MKRN2OS: variants seen among roughly 807,000 people sequenced by gnomAD.
MKRN2OS encodes the protein MKRN2 opposite strand.
MKRN2OS carries 17 observed loss-of-function variants against 18.2 expected under a neutral mutation model. That is an observed-to-expected ratio of 0.93 (90% CI 0.64 to 1.40). The LOEUF is 1.40. Among genes scored for constraint, MKRN2OS ranks in the 40% most tolerant of loss-of-function variants. The pLI is 0.00. For synonymous variants in MKRN2OS, 121 were observed against 108.5 expected (o/e 1.12, Z -0.72); for missense variants, 337 against 283.0 (o/e 1.19, Z -1.37).
rs1181439222 is a variant in MKRN2OS at position 12,542,023 on chromosome 3, C to T, written c.269-1G>A. On this transcript the variant is annotated splice_acceptor_variant, in intron 2 of 3. Coordinates refer to ENST00000564146, the MANE Select transcript of MKRN2OS (RefSeq NM_001195279.2). LOFTEE classifies it high-confidence loss of function. ...TGTGCACTGTAATTATACACAACCC[C>T]TGCAAATCAAAACCAAAGTCATGTG... 6.5e-7 allele frequency: 1 copy of T among 1,531,804 alleles called. No homozygotes were observed. Among genetic ancestry groups the T allele is most frequent in the Non-Finnish European group, 8.7e-7 (1 of 1,143,944 alleles). 94.9% of individuals were successfully genotyped at this position (1,531,804 alleles called of 1,614,324 possible). A position where few individuals can be genotyped will look rare whatever the true frequency, so the allele number is the denominator to read the frequency against.
intron 1 of MKRN2OS, among the ~76,000 whole-genome samples, chr3:12,556,574 T>C (rs1395711057): frequency 6.6e-6 from 1 of 151,474 alleles, no homozygotes; most frequent in African/African-American, 2.4e-5. Context: ...GGAAAGAAAA[T>C]GAAGACTAAA....
upstream of MKRN2OS, chr3:12,545,546 C>T: frequency 9.4e-7 from 1 of 1,061,844 alleles, no homozygotes; most frequent in Non-Finnish European, 1.3e-6. Flanking sequence ...GCACACCGCC[C>T]CAAGGAACCT....
At chr3:12,544,763 CTG>C (rs1414252280) in intron 1 of MKRN2OS, among the ~76,000 whole-genome samples, 1 of 152,128 alleles carries the variant, frequency 6.6e-6, no homozygotes. Flanking sequence ...CAAGAGAGAA[CTG>C]AATTTGTTCT....
chr3:12,559,872 A>G (rs2058022069), intron 1 of MKRN2OS, among the ~76,000 whole-genome samples: 2 of 152,202 alleles, frequency 1.3e-5, no homozygotes, highest in African/African-American at 2.4e-5. Flanking sequence ...GCTTCCCTGC[A>G]TCTCATAATC....
downstream of MKRN2OS, among the ~76,000 whole-genome samples, chr3:12,551,194 T>TA (rs56389348): frequency 0.011 from 1,450 of 136,862 alleles, 10 homozygotes; most frequent in African/African-American, 0.027. Context: ...TACACTTTAT[T>TA]AAAAAAAAAA....
At chr3:12,557,340 C>G (rs2255655) in intron 1 of MKRN2OS, among the ~76,000 whole-genome samples, 88,405 of 152,168 alleles carry the variant, frequency 0.58, 28,216 homozygotes, top group African/African-American at 0.84. Flanking sequence ...GCTGCCGCCA[C>G]AGCCGGGGAT....
At chr3:12,543,714 C>A (rs192692356) in intron 1 of MKRN2OS, among the ~76,000 whole-genome samples, 1 of 151,830 alleles carries the variant, frequency 6.6e-6, no homozygotes, top group Non-Finnish European at 1.5e-5. Flanking sequence ...TGCGAAACCT[C>A]GTCTCTACTA....
intron 1 of MKRN2OS, among the ~76,000 whole-genome samples, chr3:12,559,738 C>T (rs960466348): frequency 6.6e-6 from 1 of 152,124 alleles, no homozygotes; most frequent in African/African-American, 2.4e-5. Context: ...CAATCTGTGC[C>T]TTTTTGCTGA....
In MKRN2OS at chr3:12,555,072, G is replaced by A. The variant is rs1575510927; in HGVS notation, n.265-938C>T. 2.0e-5 allele frequency among the ~76,000 whole-genome samples: 3 copies of A among 152,354 alleles called. 1 individual carries two copies. In the Middle Eastern group the frequency reaches 0.01, roughly 518 times the overall value. ...CGCCCGTAATCCCAGCACTTTGGGA[G>A]GCCGAGGCGGGTGGATTGCCTGAGC... On this transcript the variant is annotated intron_variant and non_coding_transcript_variant, in intron 1 of 1. Coordinates refer to the MKRN2OS transcript ENST00000447550.
chr3:12,549,397 C>T (rs2057911154), upstream of MKRN2OS, among the ~76,000 whole-genome samples: 1 of 151,844 alleles, frequency 6.6e-6, no homozygotes, highest in Non-Finnish European at 1.5e-5. Context: ...GTATGCACCA[C>T]TGCACCTGTC....
chr3:12,558,104 A>G (rs2057998604), intron 1 of MKRN2OS, among the ~76,000 whole-genome samples: 1 of 152,224 alleles, frequency 6.6e-6, no homozygotes, highest in South Asian at 2.1e-4. Flanking sequence ...TTGCTTAAAA[A>G]CAGTTATAGA....
chr3:12,539,952 AT>A lies in MKRN2OS; in HGVS notation c.*240del. On this transcript the variant is annotated 3_prime_UTR_variant, in exon 4 of 4. Transcript: ENST00000564146. ...AGGCATGCGCCACCATGCCCAGCTA[AT>A]TTTATATTTTTAGTAAGGACGGGGT... The A allele has an allele frequency of 2.1e-6, 1 of 474,582 alleles. No individual in the cohort carries two copies. Among genetic ancestry groups the A allele is most frequent in the Non-Finnish European group, 3.8e-6 (1 of 261,808 alleles). 29.4% of individuals were successfully genotyped at this position (474,582 alleles called of 1,614,324 possible).
chr3:12,547,790 G>A (rs1484396947), upstream of MKRN2OS, among the ~76,000 whole-genome samples: 2 of 152,060 alleles, frequency 1.3e-5, no homozygotes, highest in African/African-American at 4.8e-5. Flanking sequence ...CTTCAGGAGG[G>A]TTAAGTATTT....
chr3:12,560,780 A>T (rs764971455), exon 1 of MKRN2OS: 1 of 152,238 alleles, frequency 6.6e-6, no homozygotes, highest in African/African-American at 2.4e-5. Context: ...CCAGCTATGC[A>T]CTTCACCCAC....
At chr3:12,554,612 C>A (rs1388809097) in intron 1 of MKRN2OS, among the ~76,000 whole-genome samples, 1 of 151,964 alleles carries the variant, frequency 6.6e-6, no homozygotes, top group African/African-American at 2.4e-5. Flanking sequence ...ACCAGCAGTA[C>A]AAGGCTGATG....
At chr3:12,542,731 AAAAC>A (rs1397406853) in intron 2 of MKRN2OS, among the ~76,000 whole-genome samples, 175 of 151,810 alleles carry the variant, frequency 1.2e-3, no homozygotes, top group African/African-American at 3.8e-3. Context: ...AAAAAAAAAA[AAAAC>A]ACTGCAGGCC....
chr3:12,545,386 G>A lies in MKRN2OS; in HGVS notation c.79C>T (p.Gln27Ter). 2 of 1,535,962 alleles carry A rather than the reference G, an allele frequency of 1.3e-6. No individual in the cohort carries two copies. The highest frequency in any genetic ancestry group is 1.7e-6 in the Non-Finnish European group (2 of 1,146,856). Reference sequence around the variant, plus strand: ...TCCTGCTGGCAGAGAGGGCAGCACTGGGGCACACTGAAGCTGTAGATGTAT... The same window carrying A: ...TCCTGCTGGCAGAGAGGGCAGCACTAGGGCACACTGAAGCTGTAGATGTAT... ...EKYIYSFSVP[Q>*]CCPLCQQDLG... The change falls in exon 1 of 4, where the codon CAG (glutamine) becomes TAG (stop). Residue 27 changes from glutamine (Q) to a stop codon, truncating the protein, a stop_gained. Coordinates refer to ENST00000564146, the MANE Select transcript of MKRN2OS (RefSeq NM_001195279.2). LOFTEE classifies it high-confidence loss of function.
chr3:12,548,426 C>G (rs1294526491), upstream of MKRN2OS, among the ~76,000 whole-genome samples: 1 of 138,228 alleles, frequency 7.2e-6, no homozygotes, highest in East Asian at 2.4e-4. Flanking sequence ...CCAGCCTGGG[C>G]GACAGAGCGA....
In MKRN2OS at chr3:12,541,934, G is replaced by A. The variant is rs560460809; in HGVS notation, c.357C>T (p.Asn119=). 2.6e-6 allele frequency: 4 copies of A among 1,536,084 alleles called. No homozygotes were observed. Among genetic ancestry groups the A allele is most frequent in the Admixed American group, 3.9e-5 (2 of 50,980 alleles). The change falls in exon 3 of 4, where the codon AAC becomes AAT. Residue 119 remains asparagine (N), a synonymous_variant. Coordinates refer to ENST00000564146, the MANE Select transcript of MKRN2OS (RefSeq NM_001195279.2). ...ESISIPLLQP[N]MYGMMEQWDK... ...CCCATTGCTCCATCATTCCATACATGTTGGGCTGCAGTAATGGGATGCTTA... is the reference window on the plus strand; with the variant it reads ...CCCATTGCTCCATCATTCCATACATATTGGGCTGCAGTAATGGGATGCTTA...
Sources: gnomAD v4.1 joint callset for allele counts (sites outside exome capture counted in the v4.1 genomes callset) on GRCh38, gnomAD v4.1.1 for gene constraint, MANE v1.5 for transcripts, NCBI Gene and HGNC (gene_info 2026-07-23, HGNC 2026-07-21) for gene names.